Variants in HTR7 observed in about 807,000 individuals in gnomAD.
HTR7 encodes 5-HT-7.
In HTR7, 16 loss-of-function variants were observed where a neutral mutation model predicts 34.0. That is an observed-to-expected ratio of 0.47 (90% CI 0.32 to 0.71). The LOEUF (loss-of-function observed/expected upper bound fraction) is 0.71, where lower values mean the gene tolerates loss of function less well. Ranked by LOEUF, HTR7 falls within the 30% of genes least tolerant of loss-of-function variation. The pLI, the probability that HTR7 is intolerant of heterozygous loss-of-function variation, is 0.04. For synonymous variants in HTR7, 265 were observed against 260.2 expected, an observed-to-expected ratio of 1.02 and a Z score of -0.18; for missense variants, 504 against 625.5, an observed-to-expected ratio of 0.81 and a Z score of 2.07.
intron 1 of HTR7, among the ~76,000 whole-genome samples, chr10:90,774,416 G>T (rs1845171461): frequency 6.6e-6 from 1 of 152,136 alleles, no homozygotes. Context: ...TACGTCACCA[G>T]CTTGTTCCTT....
At chr10:90,818,346 G>C (rs562345689) in intron 1 of HTR7, among the ~76,000 whole-genome samples, 1 of 152,276 alleles carries the variant, frequency 6.6e-6, no homozygotes, top group Admixed American at 6.5e-5. Flanking sequence ...AGGAGTTCAA[G>C]GCCAGCCTGG....
chr10:90,783,372 C>T (rs1167618109), intron 1 of HTR7, among the ~76,000 whole-genome samples: 1 of 152,172 alleles, frequency 6.6e-6, no homozygotes, highest in Non-Finnish European at 1.5e-5. Context: ...TCTTACTCCC[C>T]ACTTTGTAAA....
intron 1 of HTR7, among the ~76,000 whole-genome samples, chr10:90,827,635 A>G (rs1350975632): frequency 6.6e-6 from 1 of 152,240 alleles, no homozygotes; most frequent in Non-Finnish European, 1.5e-5. Context: ...AGAGACAAAG[A>G]AGGTCATTGT....
At chr10:90,775,041 G>A (rs536605802) in intron 1 of HTR7, among the ~76,000 whole-genome samples, 11 of 152,318 alleles carry the variant, frequency 7.2e-5, no homozygotes, top group South Asian at 2.1e-4. Flanking sequence ...GAGATATGCC[G>A]TTGGGTAGAA....
chr10:90,767,171 T>G (rs1352111454), intron 1 of HTR7, among the ~76,000 whole-genome samples: 1 of 152,196 alleles, frequency 6.6e-6, no homozygotes, highest in Non-Finnish European at 1.5e-5. Flanking sequence ...GCTACTGGAT[T>G]GGCTCTCTGC....
At position 90,857,027 on chromosome 10, in the gene HTR7, C is replaced by T. The variant is rs979054983; in HGVS notation, c.539+106G>A. 6 of 1,091,110 alleles carry T rather than the reference C, an allele frequency of 5.5e-6. No individual in the cohort carries two copies. The African/African-American group carries it at 8.0e-5, about 14-fold the overall frequency. 67.6% of individuals were successfully genotyped at this position (1,091,110 alleles called of 1,614,324 possible). A position where few individuals can be genotyped will look rare whatever the true frequency, so the allele number is the denominator to read the frequency against. Reference sequence around the variant, plus strand: ...CGGTGTTTTAAGCGCAGCCCTTCATCCCGCCTTGAAGTCTAGCTTGATCCT... The same window carrying T: ...CGGTGTTTTAAGCGCAGCCCTTCATTCCGCCTTGAAGTCTAGCTTGATCCT... On this transcript the variant is annotated intron_variant, in intron 1 of 3. Transcript: ENST00000336152. This position sits in a 1 kb window ranked among gnomAD's most constrained non-coding sequence, Gnocchi z 6.5.
At chr10:90,748,182 C>T (rs1268654189) in intron 2 of HTR7, among the ~76,000 whole-genome samples, 1 of 152,124 alleles carries the variant, frequency 6.6e-6, no homozygotes, top group Non-Finnish European at 1.5e-5. Flanking sequence ...CTCTGTCAAC[C>T]AGGTTGGAGT....
chr10:90,801,013 T>C (rs768281840), intron 1 of HTR7, among the ~76,000 whole-genome samples: 9 of 152,314 alleles, frequency 5.9e-5, no homozygotes, highest in Non-Finnish European at 1.0e-4. Context: ...ATTGTGCACA[T>C]CACCAATGCT....
At chr10:90,782,834 T>A (rs1282448189) in intron 1 of HTR7, among the ~76,000 whole-genome samples, 1 of 152,200 alleles carries the variant, frequency 6.6e-6, no homozygotes, top group Non-Finnish European at 1.5e-5. Context: ...TGTTTTTTGT[T>A]TGTTTGCTTC....
At position 90,741,421 on chromosome 10, in the gene HTR7, C is replaced by T. The variant is rs1844540780; in HGVS notation, c.*1061G>A. 6.6e-6 allele frequency: 1 copy of T among 152,282 alleles called. No individual in the cohort carries two copies. 9.4% of individuals were successfully genotyped at this position (152,282 alleles called of 1,614,324 possible). A position where few individuals can be genotyped will look rare whatever the true frequency, so the allele number is the denominator to read the frequency against. ...TTAGGCACACATTTGATTTAAGATA[C>T]ATAGAACACAAAAACAAATTCTCTA... On this transcript the variant is annotated 3_prime_UTR_variant, in exon 4 of 4. Transcript: ENST00000336152.
intron 1 of HTR7, among the ~76,000 whole-genome samples, chr10:90,835,947 T>A (rs1846246226): frequency 6.6e-6 from 1 of 152,252 alleles, no homozygotes; most frequent in South Asian, 2.1e-4. Flanking sequence ...GGAGAACATA[T>A]GACAGGAAGT....
chr10:90,760,471 C>T (rs150040809), intron 1 of HTR7, among the ~76,000 whole-genome samples: 25 of 152,226 alleles, frequency 1.6e-4, no homozygotes, highest in Non-Finnish European at 3.4e-4. Context: ...TATATAGATT[C>T]AAATAGCTAG....
intron 1 of HTR7, among the ~76,000 whole-genome samples, chr10:90,761,260 A>G (rs1844929497): frequency 6.6e-6 from 1 of 152,120 alleles, no homozygotes; most frequent in Non-Finnish European, 1.5e-5. Flanking sequence ...TTATAATTGA[A>G]TTTTCATAAT....
At chr10:90,779,138 G>A (rs58361480) in intron 1 of HTR7, among the ~76,000 whole-genome samples, 1 of 152,128 alleles carries the variant, frequency 6.6e-6, no homozygotes, top group Non-Finnish European at 1.5e-5. Context: ...TTGTTTCCTT[G>A]CACAGCCCCC....
At chr10:90,750,802 A>G (rs1052587181) in intron 1 of HTR7, among the ~76,000 whole-genome samples, 3 of 152,230 alleles carry the variant, frequency 2.0e-5, no homozygotes, top group African/African-American at 4.8e-5. Flanking sequence ...TAGCATCACT[A>G]TAACACTTAC....
intron 1 of HTR7, among the ~76,000 whole-genome samples, chr10:90,835,399 T>C (rs988297649): frequency 1.6e-4 from 25 of 152,128 alleles, no homozygotes; most frequent in African/African-American, 5.6e-4. Flanking sequence ...ACAGAACAAA[T>C]GGTCCTGGCA....
intron 1 of HTR7, among the ~76,000 whole-genome samples, chr10:90,793,773 G>A (rs1845495519): frequency 6.6e-6 from 1 of 152,144 alleles, no homozygotes; most frequent in African/African-American, 2.4e-5. Flanking sequence ...CTCAAAAATA[G>A]GGAAGCTCGA....
intron 1 of HTR7, among the ~76,000 whole-genome samples, chr10:90,817,196 C>A (rs1297995838): frequency 2.0e-5 from 3 of 152,210 alleles, no homozygotes. Context: ...AACACACCTC[C>A]TCTTGGCCAA....
At chr10:90,834,233 T>C (rs1182981374) in intron 1 of HTR7, among the ~76,000 whole-genome samples, 1 of 152,188 alleles carries the variant, frequency 6.6e-6, no homozygotes, top group Non-Finnish European at 1.5e-5. Context: ...GCCTTAGGTG[T>C]GCAAATCCTA....
Sources: gnomAD v4.1 joint callset for allele counts (sites outside exome capture counted in the v4.1 genomes callset) on GRCh38, gnomAD v4.1.1 for gene constraint, Gnocchi (gnomAD v3.1) non-coding constraint, MANE v1.5 for transcripts, NCBI Gene and HGNC (gene_info 2026-07-23, HGNC 2026-07-21) for gene names.